ULK4: variants seen among roughly 807,000 people sequenced by gnomAD.
ULK4 encodes the protein inactive serine/threonine-protein kinase ULK4.
In ULK4, 133 loss-of-function variants were observed where a neutral mutation model predicts 160.6. That is an observed-to-expected ratio of 0.83 (90% CI 0.72 to 0.96). The LOEUF (loss-of-function observed/expected upper bound fraction) is 0.96, where lower values mean the gene tolerates loss of function less well. Among genes scored for constraint, ULK4 ranks in the 40% least tolerant of loss-of-function variants. ULK4 has a pLI of 0.00. For synonymous variants in ULK4, 534 were observed against 539.8 expected (o/e 0.99, Z 0.15); for missense variants, 1,580 against 1,499.5 (o/e 1.05, Z -0.89).
chr3:41,760,903 G>C (rs1436048552), intron 21 of ULK4, among the ~76,000 whole-genome samples: 1 of 152,148 alleles, frequency 6.6e-6, no homozygotes, highest in Non-Finnish European at 1.5e-5. Context: ...TCCACATAAT[G>C]AAACAGTACT....
At position 41,530,340 on chromosome 3, in the gene ULK4, A is replaced by T. The variant is rs2086261458; in HGVS notation, c.3226+35685T>A. On this transcript the variant is annotated intron_variant, in intron 32 of 36. Transcript: ENST00000301831. ...AAAAGATAGGGTTCAGAAAACTGAG[A>T]CGAAATGTCCGGGACCATCAAGGAA... Among the ~76,000 whole-genome samples, 3 of 152,190 alleles carry T rather than the reference A, an allele frequency of 2.0e-5. No homozygotes were observed. The South Asian group carries it at 6.2e-4, about 32-fold the overall frequency.
intron 35 of ULK4, among the ~76,000 whole-genome samples, chr3:41,340,749 G>A (rs948339070): frequency 6.6e-6 from 1 of 152,166 alleles, no homozygotes; most frequent in Non-Finnish European, 1.5e-5. Context: ...ATCTCCAAAG[G>A]TTCTTTCGTC....
intron 35 of ULK4, among the ~76,000 whole-genome samples, chr3:41,393,956 A>G (rs565103838): frequency 6.6e-6 from 1 of 152,234 alleles, no homozygotes; most frequent in African/African-American, 2.4e-5. Flanking sequence ...AAGCTCCTTG[A>G]GCCTTAGTTT....
chr3:41,607,704 C>T (rs1433653158), intron 31 of ULK4, among the ~76,000 whole-genome samples: 1 of 152,146 alleles, frequency 6.6e-6, no homozygotes, highest in South Asian at 2.1e-4. Flanking sequence ...ATTTGAGCAT[C>T]CATCAGTGGA....
chr3:41,581,475 G>A (rs987913918), intron 31 of ULK4, among the ~76,000 whole-genome samples: 1 of 152,116 alleles, frequency 6.6e-6, no homozygotes, highest in African/African-American at 2.4e-5. Context: ...AATAATATGT[G>A]AACAATTTGT....
intron 29 of ULK4, among the ~76,000 whole-genome samples, chr3:41,672,893 G>C (rs551380330): frequency 6.6e-6 from 1 of 152,258 alleles, no homozygotes; most frequent in South Asian, 2.1e-4. Flanking sequence ...CTGGAGTACA[G>C]TGGCACAATC....
intron 32 of ULK4, among the ~76,000 whole-genome samples, chr3:41,487,223 T>C (rs2084571207): frequency 6.6e-6 from 1 of 152,072 alleles, no homozygotes; most frequent in Non-Finnish European, 1.5e-5. Context: ...ACTGAATAAA[T>C]GGAAAGGTAC....
At chr3:41,605,995 C>T (rs2032365314) in intron 31 of ULK4, among the ~76,000 whole-genome samples, 1 of 151,918 alleles carries the variant, frequency 6.6e-6, no homozygotes, top group Non-Finnish European at 1.5e-5. Flanking sequence ...TCTAAATAAT[C>T]CATGAACCAA....
At chr3:41,621,951 G>C (rs1430310612) in intron 30 of ULK4, among the ~76,000 whole-genome samples, 1 of 152,112 alleles carries the variant, frequency 6.6e-6, no homozygotes, top group South Asian at 2.1e-4. Context: ...AAAAGGCGAA[G>C]GGTATGAACA....
chr3:41,300,576 C>G (rs1006819541), intron 35 of ULK4, among the ~76,000 whole-genome samples: 2 of 151,792 alleles, frequency 1.3e-5, no homozygotes, highest in Admixed American at 1.3e-4. Flanking sequence ...ATATGACACA[C>G]CTGTGTGAAC....
chr3:41,782,523 C>T (rs777413196), intron 21 of ULK4, among the ~76,000 whole-genome samples: 16 of 151,978 alleles, frequency 1.1e-4, no homozygotes, highest in East Asian at 7.7e-4. Context: ...CTAAGTATCT[C>T]GGCTGAAAAT....
intron 32 of ULK4, among the ~76,000 whole-genome samples, chr3:41,470,041 A>AAAC (rs2083944326): frequency 6.7e-6 from 1 of 148,250 alleles, no homozygotes; most frequent in African/African-American, 2.5e-5. Flanking sequence ...AAAAAAAAAA[A>AAAC]AAAAACAAAG....
intron 29 of ULK4, among the ~76,000 whole-genome samples, chr3:41,668,384 T>C (rs944706619): frequency 6.6e-6 from 1 of 152,178 alleles, no homozygotes; most frequent in African/African-American, 2.4e-5. Flanking sequence ...GCATATACAA[T>C]AGTGATCATA....
At chr3:41,856,907 T>TAAAACAAAAC (rs140798141) in intron 17 of ULK4, among the ~76,000 whole-genome samples, 2 of 151,226 alleles carry the variant, frequency 1.3e-5, no homozygotes, top group African/African-American at 4.9e-5. Context: ...AGACCTTGTA[T>TAAAACAAAAC]AAAACAAAAC....
intron 16 of ULK4, among the ~76,000 whole-genome samples, chr3:41,884,177 AGC>A (rs1291283743): frequency 2.6e-5 from 4 of 152,232 alleles, no homozygotes; most frequent in African/African-American, 9.6e-5. Flanking sequence ...ATACTGCAAC[AGC>A]GACAAAATTT....
chr3:41,774,017 A>G (rs1266410538), intron 21 of ULK4, among the ~76,000 whole-genome samples: 2 of 152,210 alleles, frequency 1.3e-5, no homozygotes, highest in Admixed American at 6.5e-5. Context: ...CTGGCTAGCC[A>G]TATGTAGAAA....
intron 31 of ULK4, among the ~76,000 whole-genome samples, chr3:41,572,212 A>G (rs2088002361): frequency 6.6e-6 from 1 of 152,162 alleles, no homozygotes; most frequent in Non-Finnish European, 1.5e-5. Flanking sequence ...AGCATTGCCT[A>G]GTGATCAGAG....
chr3:41,769,906 C>T (rs762375885), intron 21 of ULK4, among the ~76,000 whole-genome samples: 1 of 152,138 alleles, frequency 6.6e-6, no homozygotes. Context: ...TGGCCATCAA[C>T]TGATAACAGC....
chr3:41,369,895 C>A (rs1575477163), intron 35 of ULK4, among the ~76,000 whole-genome samples: 1 of 151,366 alleles, frequency 6.6e-6, no homozygotes, highest in East Asian at 1.9e-4. Context: ...CTGCCCAGGC[C>A]AGGAAAAAAG....
Sources: allele counts gnomAD v4.1 joint callset (sites outside exome capture counted in the v4.1 genomes callset), GRCh38; gene constraint gnomAD v4.1.1; transcripts MANE v1.5; gene names NCBI Gene and HGNC (gene_info 2026-07-23, HGNC 2026-07-21).